The following PKD1L1 variants were observed in gnomAD, a reference collection of about 807,000 sequenced individuals.
The protein encoded by PKD1L1 is polycystin 1 like 1, transient receptor potential channel interacting.
PKD1L1 carries 236 observed loss-of-function variants against 323.4 expected under a neutral mutation model. The observed-to-expected ratio is 0.73, with a 90% CI of 0.66 to 0.81. The LOEUF is 0.81. PKD1L1 is among the 40% of genes least tolerant of loss of function. The pLI is 0.00. For missense variants in PKD1L1, 3,320 were observed against 3,508.0 expected (o/e 0.95, Z 1.35); for synonymous variants, 1,344 against 1,335.0 (o/e 1.01, Z -0.15).
At chr7:47,956,524 CA>C in the PKD1L1 span, among the ~76,000 whole-genome samples, 4 of 151,958 alleles carry the variant, frequency 2.6e-5, no homozygotes, top group Admixed American at 1.3e-4. Context: ...GCTTAAAGAC[CA>C]AAAAAGACAG....
At chr7:47,873,791 A>T in intron 24 of PKD1L1, 108 bp downstream of exon 24, 1 of 737,062 alleles carries the variant, frequency 1.4e-6, no homozygotes, top group Non-Finnish European at 2.2e-6. Context: ...TCTTAAGAAG[A>T]TGAGTTCCTG....
chr7:47,836,858 C>T, intron 37 of PKD1L1, 63 bp downstream of exon 37: 1 of 1,527,854 alleles, frequency 6.5e-7, no homozygotes, highest in South Asian at 1.2e-5. Flanking sequence ...ATTTCTTAGG[C>T]AAAAAGGGGC....
chr7:47,929,108 G>C lies in PKD1L1; in HGVS notation c.1060+96C>G. 5 of 1,282,206 alleles carry C rather than the reference G, an allele frequency of 3.9e-6. No homozygotes were observed. The South Asian group carries it at 7.3e-5, about 19-fold the overall frequency. The allele number at this position is 1,282,206 out of a possible 1,614,324, so 79.4% of individuals were successfully genotyped here. ...AAGGTTGGCTGAGTCCAGAGAAACG[G>C]AATGCAGTTTCTTTTCTTTTCCCAA... On this transcript the variant is annotated intron_variant, in intron 7 of 56. Transcript: ENST00000289672.
chr7:47,830,238 G>T (rs1460640637), intron 42 of PKD1L1, 114 bp from the exon 43 acceptor site: 7 of 812,604 alleles, frequency 8.6e-6, no homozygotes, highest in South Asian at 4.9e-5. Flanking sequence ...CCTCGCCGTG[G>T]CAGGAAGCCT....
chr7:47,806,325 G>C (rs1392148689), intron 52 of PKD1L1, among the ~76,000 whole-genome samples: 6 of 152,234 alleles, frequency 3.9e-5, no homozygotes, highest in Non-Finnish European at 7.3e-5. Context: ...TGTGCACTGA[G>C]AGACAGAAAG....
At chr7:47,894,300 G>C (rs1388480292) in intron 14 of PKD1L1, among the ~76,000 whole-genome samples, 1 of 152,136 alleles carries the variant, frequency 6.6e-6, no homozygotes, top group Non-Finnish European at 1.5e-5. Flanking sequence ...ACAAATTTGG[G>C]CATTTCCTAG....
chr7:47,796,687 T>C (rs747055581), intron 54 of PKD1L1, among the ~76,000 whole-genome samples: 1 of 152,072 alleles, frequency 6.6e-6, no homozygotes, highest in Non-Finnish European at 1.5e-5. Context: ...TCCAATTGTT[T>C]AAAAAATAAC....
intron 56 of PKD1L1, among the ~76,000 whole-genome samples, chr7:47,790,528 T>A (rs1397181220): frequency 6.6e-6 from 1 of 151,712 alleles, no homozygotes; most frequent in Non-Finnish European, 1.5e-5. Context: ...AGACAGGGTT[T>A]CACTGTGTTA....
chr7:47,785,294 T>A (rs1786781791), intron 56 of PKD1L1, among the ~76,000 whole-genome samples: 3 of 152,220 alleles, frequency 2.0e-5, no homozygotes, highest in African/African-American at 7.2e-5. Flanking sequence ...TTGAGATTTG[T>A]ACTTTCCAAG....
chr7:47,923,039 C>T (rs1235403813), intron 7 of PKD1L1, among the ~76,000 whole-genome samples: 6 of 152,102 alleles, frequency 3.9e-5, no homozygotes, highest in Admixed American at 2.0e-4. Context: ...TACCCCCAAC[C>T]CCATGCTCTC....
intron 54 of PKD1L1, among the ~76,000 whole-genome samples, chr7:47,798,582 CCT>C (rs1784592852): frequency 6.6e-6 from 1 of 151,898 alleles, no homozygotes; most frequent in African/African-American, 2.4e-5. Context: ...ATGACGAAAC[CCT>C]GTCTCTACTA....
In PKD1L1 at chr7:47,946,995, T is replaced by A. The variant is rs112886506; in HGVS notation, c.44+1402A>T. Among the ~76,000 whole-genome samples the A allele has an allele frequency of 6.6e-6, 1 of 151,718 alleles. No homozygotes were observed. The highest frequency in any genetic ancestry group is 2.4e-5 in the African/African-American group (1 of 41,216). On this transcript the variant is annotated intron_variant, in intron 1 of 56. Transcript: ENST00000289672. This position sits in a 1 kb window ranked among gnomAD's most constrained non-coding sequence, Gnocchi z 4.1. Reference sequence around the variant, plus strand: ...CTTGCAATTCCCTGACTGATAAGAGTGAAGGTCAAATTGGGCCAACATCAA... The same window carrying A: ...CTTGCAATTCCCTGACTGATAAGAGAGAAGGTCAAATTGGGCCAACATCAA...
chr7:47,778,156 A>G (rs1200745916), intron 56 of PKD1L1, among the ~76,000 whole-genome samples: 5 of 152,214 alleles, frequency 3.3e-5, no homozygotes, highest in Non-Finnish European at 7.3e-5. Flanking sequence ...CAACCAGCAG[A>G]TGAGGTGACT....
Position 47,840,640 on chromosome 7 carries a change from C to T in PKD1L1, c.5446-73G>A, listed in dbSNP as rs1785547590. The T allele has an allele frequency of 8.4e-7, 1 of 1,186,886 alleles. No homozygotes were observed. Among genetic ancestry groups the T allele is most frequent in the African/African-American group, 1.5e-5 (1 of 66,760 alleles). 73.5% of individuals were successfully genotyped at this position (1,186,886 alleles called of 1,614,324 possible). A position where few individuals can be genotyped will look rare whatever the true frequency, so the allele number is the denominator to read the frequency against. ...CACCATGCAATGCTGGGCAGGGCTT[C>T]CTCGCACTTTCTCCCAGCGTCCCAC... On this transcript the variant is annotated intron_variant, in intron 34 of 56. Transcript: ENST00000289672. This position sits in a 1 kb window ranked among gnomAD's most constrained non-coding sequence, Gnocchi z 4.1.
Position 47,931,104 on chromosome 7 carries a change from C to G in PKD1L1, c.737G>C (p.Ser246Thr). Residue 246 changes from serine (S) to threonine (T), a missense_variant and splice_region_variant, in exon 6 of 57, where the codon AGC (serine) becomes ACC (threonine). Ser to Thr is a moderately conservative substitution (Grantham distance 58). Coordinates refer to ENST00000289672, the MANE Select transcript of PKD1L1 (RefSeq NM_138295.5). ...PISHFPTSPR[S>T]SHGLPPGIPR... ...GGCCTCCATACCTCCTTCACCGTAC[C>G]TTCTGGGAGAAGTGGGAAAATGTGA... 1 of 1,613,590 alleles carries G rather than the reference C, an allele frequency of 6.2e-7. No homozygotes were observed. Among genetic ancestry groups the G allele is most frequent in the Non-Finnish European group, 8.5e-7 (1 of 1,179,708 alleles).
At chr7:47,856,457 G>A (rs1785906716) in intron 28 of PKD1L1, among the ~76,000 whole-genome samples, 1 of 152,178 alleles carries the variant, frequency 6.6e-6, no homozygotes. Context: ...ATTTCTATTT[G>A]AGTTATAATA....
chr7:47,877,229 G>A (rs554487385), intron 22 of PKD1L1, among the ~76,000 whole-genome samples: 1 of 152,292 alleles, frequency 6.6e-6, no homozygotes, highest in South Asian at 2.1e-4. Context: ...CTGCAGGGCA[G>A]ACGACTCCTG....
intron 23 of PKD1L1, 96 bp from the exon 24 acceptor site, chr7:47,874,106 T>G: frequency 1.3e-6 from 1 of 760,050 alleles, no homozygotes; most frequent in South Asian, 1.9e-5. Flanking sequence ...TGACTAAAAC[T>G]GTGACAAGTG....
At chr7:47,933,373 C>T (rs1328945797) in intron 4 of PKD1L1, among the ~76,000 whole-genome samples, 2 of 152,130 alleles carry the variant, frequency 1.3e-5, no homozygotes, top group Non-Finnish European at 2.9e-5. Context: ...TTCTTTAAAA[C>T]TTGAGCCTCT....
Sources: gnomAD v4.1 joint callset for allele counts (sites outside exome capture counted in the v4.1 genomes callset) on GRCh38, gnomAD v4.1.1 for gene constraint, Gnocchi (gnomAD v3.1) non-coding constraint, MANE v1.5 for transcripts, NCBI Gene and HGNC (gene_info 2026-07-23, HGNC 2026-07-21) for gene names.